The following CELF2 variants were observed in gnomAD, a reference collection of about 807,000 sequenced individuals.
CELF2 encodes the protein CUGBP Elav-like family member 2.
A neutral mutation model predicts 62.6 loss-of-function variants in CELF2; 8 were observed. The observed-to-expected ratio is 0.13, with a 90% CI of 0.07 to 0.23. CELF2 has a LOEUF of 0.23. Among genes scored for constraint, CELF2 ranks in the 10% least tolerant of loss-of-function variants. The pLI is 1.00. For missense variants in CELF2, 333 were observed against 671.0 expected, an observed-to-expected ratio of 0.50 and a Z score of 5.56; for synonymous variants, 258 against 250.0, an observed-to-expected ratio of 1.03 and a Z score of -0.30.
intron 2 of CELF2, among the ~76,000 whole-genome samples, chr10:10,959,325 G>A (rs2049235248): frequency 6.6e-6 from 1 of 152,080 alleles, no homozygotes; most frequent in African/African-American, 2.4e-5. Flanking sequence ...TGCCTTTTGT[G>A]GCACTTCACA....
At chr10:10,539,417 G>T in the CELF2 span, among the ~76,000 whole-genome samples, 5 of 152,092 alleles carry the variant, frequency 3.3e-5, no homozygotes, top group South Asian at 1.0e-3. Flanking sequence ...AATCTCAAAG[G>T]CTTGCAAAGA....
rs2075725420 is a variant in CELF2, at chr10:11,246,759, C to T, written c.355-2394C>T. Among the ~76,000 whole-genome samples the T allele has an allele frequency of 6.6e-6, 1 of 152,162 alleles. No homozygotes were observed. The highest frequency in any genetic ancestry group is 2.1e-4 in the South Asian group (1 of 4,832). The stretch of plus-strand genomic sequence containing the variant: ...TCCTCGGCTCTCAGCTCTTTGCACC[C>T]TTCTTTCCCTCGCTGACAGCTTCGC... On this transcript the variant is annotated intron_variant, in intron 3 of 12. Coordinates refer to ENST00000633077, the MANE Select transcript of CELF2 (RefSeq NM_001326342.2). The surrounding 1 kb of genome is among the most constrained non-coding windows in gnomAD (Gnocchi z 4.6).
At chr10:10,994,985 C>G (rs547240687) in intron 2 of CELF2, among the ~76,000 whole-genome samples, 42 of 152,344 alleles carry the variant, frequency 2.8e-4, no homozygotes, top group Non-Finnish European at 4.7e-4. Flanking sequence ...AGTCCTGTCT[C>G]TGCAAAAGTC....
the CELF2 span, among the ~76,000 whole-genome samples, chr10:10,612,612 T>C: frequency 6.6e-6 from 1 of 152,216 alleles, no homozygotes; most frequent in Non-Finnish European, 1.5e-5. Context: ...GTCATGACAG[T>C]AAGCCTCTCA....
Position 10,942,423 on chromosome 10 carries a change from A to T in CELF2, c.89+22424A>T, listed in dbSNP as rs190841400. On this transcript the variant is annotated intron_variant, in intron 2 of 13. Transcript: ENST00000636488. ...AGTTGTTGGAAGGATTCCGTTTCTT[A>T]TGGTCTATTGGAATGAGGGCCTTAG... Among the ~76,000 whole-genome samples the T allele has an allele frequency of 1.9e-4, 29 of 152,268 alleles. No homozygotes were observed. In the East Asian group the frequency reaches 4.8e-3, roughly 25 times the overall value.
chr10:10,522,002 A>T, the CELF2 span, among the ~76,000 whole-genome samples: 5 of 152,198 alleles, frequency 3.3e-5, no homozygotes, highest in East Asian at 9.6e-4. Context: ...AAGGATGGCC[A>T]TGGTCCAGCT....
chr10:11,310,682 C>T (rs961236293), intron 9 of CELF2, among the ~76,000 whole-genome samples: 3 of 151,638 alleles, frequency 2.0e-5, no homozygotes, highest in East Asian at 1.9e-4. Context: ...ACGCTACTTA[C>T]TAGCGCAGCA....
At position 11,098,450 on chromosome 10, in the gene CELF2, T is replaced by A. The variant is rs1490058155; in HGVS notation, c.75-67036T>A. ...GACGTGAGCTCAAACCCCCATGTACTGCAGAGGGATAACAGTTCTTCAGCC... is the reference window on the plus strand; with the variant it reads ...GACGTGAGCTCAAACCCCCATGTACAGCAGAGGGATAACAGTTCTTCAGCC... On this transcript the variant is annotated intron_variant, in intron 1 of 12. Coordinates refer to ENST00000633077, the MANE Select transcript of CELF2 (RefSeq NM_001326342.2). The surrounding 1 kb of genome is among the most constrained non-coding windows in gnomAD (Gnocchi z 4.0). 1 of 152,022 alleles carries A rather than the reference T, an allele frequency of 6.6e-6. No homozygotes were observed. The highest frequency in any genetic ancestry group is 1.9e-4 in the East Asian group (1 of 5,186). 9.4% of individuals were successfully genotyped at this position (152,022 alleles called of 1,614,324 possible). A position where few individuals can be genotyped will look rare whatever the true frequency, so the allele number is the denominator to read the frequency against.
chr10:11,178,190 G>A lies in CELF2; in HGVS notation c.271+12508G>A, dbSNP rs2071936821. 2.0e-5 allele frequency among the ~76,000 whole-genome samples: 3 copies of A among 152,298 alleles called. No individual in the cohort carries two copies. Among genetic ancestry groups the A allele is most frequent in the South Asian group, 2.1e-4 (1 of 4,826 alleles). On this transcript the variant is annotated intron_variant, in intron 2 of 12. Transcript: ENST00000633077. The surrounding 1 kb of genome is among the most constrained non-coding windows in gnomAD (Gnocchi z 4.3). ...AATGCGCGTTCTGTGCCCAGTCCTC[G>A]CTCCCCTTTGCCAACCGGGCTGCTG... is the stretch of plus-strand genomic sequence containing the variant.
the CELF2 span, among the ~76,000 whole-genome samples, chr10:10,613,696 A>G: frequency 6.6e-6 from 1 of 152,186 alleles, no homozygotes. Flanking sequence ...CATGGCTTGT[A>G]TTTGAAATAA....
At chr10:10,775,609 G>A in the CELF2 span, among the ~76,000 whole-genome samples, 1 of 103,628 alleles carries the variant, frequency 9.6e-6, no homozygotes, top group Non-Finnish European at 1.9e-5. Flanking sequence ...GAGAGACTCT[G>A]TCTCAAAAAA....
intron 1 of CELF2, among the ~76,000 whole-genome samples, chr10:10,809,661 T>C (rs143316630): frequency 6.6e-6 from 1 of 152,202 alleles, no homozygotes; most frequent in Admixed American, 6.5e-5. Flanking sequence ...TTAATGAATA[T>C]CCATTATTTA....
chr10:10,688,675 G>A, the CELF2 span, among the ~76,000 whole-genome samples: 2 of 152,090 alleles, frequency 1.3e-5, no homozygotes, highest in African/African-American at 4.8e-5. Flanking sequence ...ACCAACTCGT[G>A]ATGATATAAT....
intron 1 of CELF2, among the ~76,000 whole-genome samples, chr10:10,853,976 A>G (rs542774996): frequency 1.2e-4 from 18 of 152,322 alleles, no homozygotes; most frequent in South Asian, 1.0e-3. Flanking sequence ...TTCTATCCCC[A>G]TATACCTTCT....
At chr10:10,871,483 A>C (rs554669810) in intron 1 of CELF2, among the ~76,000 whole-genome samples, 1 of 152,226 alleles carries the variant, frequency 6.6e-6, no homozygotes, top group East Asian at 1.9e-4. Context: ...GGAAGCTACA[A>C]CTTCTTTGCT....
chr10:10,696,739 G>A, the CELF2 span, among the ~76,000 whole-genome samples: 27 of 152,328 alleles, frequency 1.8e-4, no homozygotes, highest in Non-Finnish European at 3.5e-4. Flanking sequence ...GAAAAGCGCA[G>A]TATTTGGGTG....
chr10:10,826,645 GA>G (rs2057412693), intron 1 of CELF2, among the ~76,000 whole-genome samples: 1 of 152,222 alleles, frequency 6.6e-6, no homozygotes, highest in South Asian at 2.1e-4. Flanking sequence ...TGAGTGGACA[GA>G]AGGTTCTATC....
rs560353533 is a variant in CELF2 at position 11,321,019 on chromosome 10, A to G, written c.1097-170A>G. The G allele has an allele frequency of 8.2e-6, 11 of 1,336,864 alleles. No individual in the cohort carries two copies. In the East Asian group the frequency reaches 1.5e-4, roughly 18 times the overall value. 82.8% of individuals were successfully genotyped at this position (1,336,864 alleles called of 1,614,324 possible). On this transcript the variant is annotated intron_variant, in intron 10 of 12. Coordinates refer to ENST00000633077, the MANE Select transcript of CELF2 (RefSeq NM_001326342.2). The surrounding 1 kb of genome is among the most constrained non-coding windows in gnomAD (Gnocchi z 6.2). Reference sequence around the variant, plus strand: ...ATGGCTTAGGTCATTTTCCCCCATTATCACGATTTATTTCTTCATGGTTTC... The same window carrying G: ...ATGGCTTAGGTCATTTTCCCCCATTGTCACGATTTATTTCTTCATGGTTTC...
the CELF2 span, among the ~76,000 whole-genome samples, chr10:10,597,178 C>T: frequency 6.6e-6 from 1 of 152,200 alleles, no homozygotes; most frequent in Non-Finnish European, 1.5e-5. Flanking sequence ...AGAGATTTGT[C>T]TCCAGATACT....
Sources: allele counts gnomAD v4.1 joint callset (sites outside exome capture counted in the v4.1 genomes callset), GRCh38; gene constraint gnomAD v4.1.1; non-coding constraint Gnocchi (gnomAD v3.1); transcripts MANE v1.5; gene names NCBI Gene and HGNC (gene_info 2026-07-23, HGNC 2026-07-21).